Variants in PTK2B observed in about 807,000 individuals in gnomAD.
PTK2B encodes the protein protein tyrosine kinase 2 beta, also known as protein-tyrosine kinase 2-beta.
PTK2B carries 71 observed loss-of-function variants against 142.9 expected under a neutral mutation model. The observed-to-expected ratio is 0.50, with a 90% CI of 0.41 to 0.61. The LOEUF is 0.61. PTK2B is among the 20% of genes least tolerant of loss of function. The pLI is 0.00. For synonymous variants in PTK2B, 519 were observed against 503.4 expected, an observed-to-expected ratio of 1.03 and a Z score of -0.42; for missense variants, 1,105 against 1,320.4, an observed-to-expected ratio of 0.84 and a Z score of 2.53.
chr8:27,353,217 A>G (rs986035283), intron 1 of PTK2B, among the ~76,000 whole-genome samples: 3 of 152,230 alleles, frequency 2.0e-5, no homozygotes, highest in South Asian at 4.1e-4. Flanking sequence ...TAAGTTTGCC[A>G]TAAGCTACAT....
intron 5 of PTK2B, among the ~76,000 whole-genome samples, chr8:27,424,825 ACAT>A (rs1809977379): frequency 1.3e-5 from 2 of 152,304 alleles, no homozygotes; most frequent in Non-Finnish European, 2.9e-5. Context: ...TGTCCTATTA[ACAT>A]CATTGATTAG....
intron 10 of PTK2B, among the ~76,000 whole-genome samples, chr8:27,432,962 G>C (rs1810532908): frequency 6.6e-6 from 1 of 152,072 alleles, no homozygotes; most frequent in African/African-American, 2.4e-5. Context: ...GAGTAGCTGG[G>C]ACTACAGGTG....
chr8:27,445,184 A>G (rs1261520817), intron 23 of PTK2B, among the ~76,000 whole-genome samples: 1 of 152,214 alleles, frequency 6.6e-6, no homozygotes, highest in African/African-American at 2.4e-5. Context: ...AGCCTGGGCA[A>G]TATAGTGAGA....
intron 1 of PTK2B, among the ~76,000 whole-genome samples, chr8:27,362,477 G>A (rs1000330005): frequency 2.6e-5 from 4 of 152,142 alleles, no homozygotes; most frequent in African/African-American, 9.7e-5. Flanking sequence ...TCTCACCTAG[G>A]GGAGGTGTTC....
At position 27,397,567 on chromosome 8, in the gene PTK2B, T is replaced by C; in HGVS notation, c.-18T>C. On this transcript the variant is annotated 5_prime_UTR_variant, in exon 2 of 31. It removes the in-frame stop codon of an upstream open reading frame in the 5' UTR. Coordinates refer to ENST00000346049, the MANE Select transcript of PTK2B (RefSeq NM_173176.3). ...CTGCAGGACTGCAATGTGCCGATCT[T>C]AGCTGCTGCCTGAGAGGATGTCTGG... is the stretch of plus-strand genomic sequence containing the variant. 1.2e-6 allele frequency: 2 copies of C among 1,612,438 alleles called. No individual in the cohort carries two copies. Among genetic ancestry groups the C allele is most frequent in the Non-Finnish European group, 8.5e-7 (1 of 1,179,526 alleles).
At chr8:27,360,540 G>A (rs562002931) in intron 1 of PTK2B, among the ~76,000 whole-genome samples, 5 of 151,690 alleles carry the variant, frequency 3.3e-5, no homozygotes, top group South Asian at 4.2e-4. Flanking sequence ...TTCCAGCCCC[G>A]TTCCTCCACC....
chr8:27,432,265 C>T lies in PTK2B; in HGVS notation c.891C>T (p.Thr297=). The T allele has an allele frequency of 6.2e-7, 1 of 1,614,062 alleles. No individual in the cohort carries two copies. The highest frequency in any genetic ancestry group is 8.5e-7 in the Non-Finnish European group (1 of 1,179,996). Reference sequence around the variant, plus strand: ...TCCCCCTTCTTTTCCCACAGCCCACCTGCCTGGCCGAGTTCAAGCAGATCA... The same window carrying T: ...TCCCCCTTCTTTTCCCACAGCCCACTTGCCTGGCCGAGTTCAAGCAGATCA... ...RQLTSQDAKP[T]CLAEFKQIRS... Residue 297 remains threonine (T), a synonymous_variant, in exon 10 of 31, where the codon ACC becomes ACT. Transcript: ENST00000346049.
chr8:27,341,285 C>T (rs766315207), intron 1 of PTK2B, among the ~76,000 whole-genome samples: 3 of 152,200 alleles, frequency 2.0e-5, no homozygotes, highest in Non-Finnish European at 4.4e-5. Flanking sequence ...GGGCCCCCGT[C>T]TCGTGCCCCT....
chr8:27,335,139 A>G (rs180928678), intron 1 of PTK2B, among the ~76,000 whole-genome samples: 38 of 152,322 alleles, frequency 2.5e-4, no homozygotes, highest in Admixed American at 2.4e-3. Context: ...TTTGACCTCC[A>G]GTGTACACAG....
At chr8:27,331,144 C>T (rs889688044) in intron 1 of PTK2B, among the ~76,000 whole-genome samples, 2 of 152,222 alleles carry the variant, frequency 1.3e-5, no homozygotes, top group South Asian at 2.1e-4. Flanking sequence ...GAGCTCGGTA[C>T]CAGGTTTAAT....
At chr8:27,376,811 T>C (rs1416075688) in intron 1 of PTK2B, among the ~76,000 whole-genome samples, 1 of 152,252 alleles carries the variant, frequency 6.6e-6, no homozygotes, top group East Asian at 1.9e-4. Context: ...TTGTTTAGCA[T>C]GTCATCAAGA....
At chr8:27,418,109 C>T (rs1269655860) in intron 2 of PTK2B, among the ~76,000 whole-genome samples, 1 of 152,222 alleles carries the variant, frequency 6.6e-6, no homozygotes, top group African/African-American at 2.4e-5. Flanking sequence ...CTGGTTGTTA[C>T]AACTGCTCAC....
intron 1 of PTK2B, among the ~76,000 whole-genome samples, chr8:27,327,303 T>C (rs982934753): frequency 3.3e-5 from 5 of 152,102 alleles, no homozygotes; most frequent in African/African-American, 1.2e-4. Flanking sequence ...GGAGCAACAC[T>C]TGGGACCTGG....
intron 1 of PTK2B, among the ~76,000 whole-genome samples, chr8:27,336,379 G>T (rs1269293443): frequency 6.6e-6 from 1 of 151,960 alleles, no homozygotes; most frequent in African/African-American, 2.4e-5. Context: ...GACAAACTAG[G>T]CCATAAGCCC....
At chr8:27,343,693 C>A (rs1488201607) in intron 1 of PTK2B, among the ~76,000 whole-genome samples, 3 of 152,170 alleles carry the variant, frequency 2.0e-5, no homozygotes, top group African/African-American at 7.2e-5. Flanking sequence ...GCCTTCTGAC[C>A]TTTCTCCTTT....
At chr8:27,319,699 T>C (rs1053783607) in intron 3 of PTK2B, among the ~76,000 whole-genome samples, 3 of 151,046 alleles carry the variant, frequency 2.0e-5, no homozygotes, top group Non-Finnish European at 4.4e-5. Context: ...TAATGGTCAG[T>C]TATGAGCTAT....
rs1430309275 is a variant in PTK2B, at chr8:27,459,045, G to A, written c.*536G>A. Reference sequence around the variant, plus strand: ...ATTTAATGTGAGTTTGGTCTGGACTGACAGCATGTGCCCTCCTGAGGGAGG... The same window carrying A: ...ATTTAATGTGAGTTTGGTCTGGACTAACAGCATGTGCCCTCCTGAGGGAGG... On this transcript the variant is annotated 3_prime_UTR_variant, in exon 31 of 31. Coordinates refer to ENST00000346049, the MANE Select transcript of PTK2B (RefSeq NM_173176.3). 3.9e-6 allele frequency: 1 copy of A among 255,320 alleles called. No homozygotes were observed. The highest frequency in any genetic ancestry group is 4.7e-5 in the Admixed American group (1 of 21,198). 15.8% of individuals were successfully genotyped at this position (255,320 alleles called of 1,614,324 possible). A position where few individuals can be genotyped will look rare whatever the true frequency, so the allele number is the denominator to read the frequency against.
chr8:27,434,335 G>T (rs1810634240), intron 12 of PTK2B, among the ~76,000 whole-genome samples, 178 bp from the exon 13 acceptor site: 1 of 152,168 alleles, frequency 6.6e-6, no homozygotes, highest in African/African-American at 2.4e-5. Context: ...TATCCTGGGG[G>T]GTTGCTGCTG....
intron 3 of PTK2B, among the ~76,000 whole-genome samples, chr8:27,315,141 T>A (rs1803064767): frequency 6.6e-6 from 1 of 152,208 alleles, no homozygotes; most frequent in African/African-American, 2.4e-5. Context: ...TGACAAGGGA[T>A]GAATACCACT....
Sources: gnomAD v4.1 joint callset for allele counts (sites outside exome capture counted in the v4.1 genomes callset) on GRCh38, gnomAD v4.1.1 for gene constraint, MANE v1.5 for transcripts, NCBI Gene and HGNC (gene_info 2026-07-23, HGNC 2026-07-21) for gene names.